COL13A1: variants seen among roughly 807,000 people sequenced by gnomAD.
COL13A1 encodes collagen alpha-1(XIII) chain.
COL13A1 carries 89 observed loss-of-function variants against 130.9 expected under a neutral mutation model. The ratio of observed to expected loss-of-function variants is 0.68; its 90% CI spans 0.57 to 0.81. The LOEUF is 0.81. COL13A1 is among the 30% of genes least tolerant of loss of function. The probability of loss-of-function intolerance (pLI) is 0.00; values close to 1 mark genes in which losing one functional copy is unlikely to be tolerated. For missense variants in COL13A1, 879 were observed against 934.6 expected (o/e 0.94, Z 0.78); for synonymous variants, 402 against 341.6 (o/e 1.18, Z -1.95).
At chr10:69,820,480 A>T (rs1228640920) in intron 1 of COL13A1, among the ~76,000 whole-genome samples, 2 of 152,078 alleles carry the variant, frequency 1.3e-5, no homozygotes, top group African/African-American at 4.8e-5. Flanking sequence ...GTGGGGAGGG[A>T]TGTGGAGGCA....
At position 69,958,599 on chromosome 10, in the gene COL13A1, A is replaced by G. The variant is rs1430538239; in HGVS notation, c.2185-100A>G. ...CACAGTTCTCCTGTCCAGAACTCCC[A>G]TCCAACCCAGGACAAGATTTACCTC... On this transcript the variant is annotated intron_variant, in intron 40 of 40. Coordinates refer to ENST00000645393, the MANE Select transcript of COL13A1 (RefSeq NM_001368882.1). The G allele has an allele frequency of 2.5e-6, 4 of 1,591,376 alleles. No individual in the cohort carries two copies. The African/African-American group carries it at 5.4e-5, about 21-fold the overall frequency.
At chr10:69,956,420 C>CT (rs1470775912) in intron 39 of COL13A1, 1 of 152,900 alleles carries the variant, frequency 6.5e-6, no homozygotes, top group East Asian at 1.9e-4. Context: ...CCCTTGTCTT[C>CT]TTGCCAAAGG....
intron 2 of COL13A1, among the ~76,000 whole-genome samples, chr10:69,850,039 A>G (rs901144493): frequency 6.6e-6 from 1 of 152,152 alleles, no homozygotes; most frequent in African/African-American, 2.4e-5. Flanking sequence ...TGACGGTGAC[A>G]GACATTAGCT....
chr10:69,859,362 A>G (rs1000319150), intron 2 of COL13A1, among the ~76,000 whole-genome samples: 3 of 152,208 alleles, frequency 2.0e-5, no homozygotes, highest in African/African-American at 7.2e-5. Context: ...TCAAAGCAAG[A>G]CCTATGAAGC....
chr10:69,815,450 A>G (rs190723962), intron 1 of COL13A1, among the ~76,000 whole-genome samples: 2 of 152,194 alleles, frequency 1.3e-5, no homozygotes, highest in Non-Finnish European at 2.9e-5. Flanking sequence ...GGCTGCCAGC[A>G]GGGGCAAAAC....
intron 17 of COL13A1, among the ~76,000 whole-genome samples, chr10:69,914,776 G>A (rs1175940005): frequency 1.3e-5 from 2 of 152,244 alleles, no homozygotes; most frequent in Admixed American, 6.5e-5. Context: ...TACTGAGAGG[G>A]CTTGGAGACC....
At chr10:69,908,919 G>A (rs12763830) in intron 17 of COL13A1, among the ~76,000 whole-genome samples, 17,268 of 151,520 alleles carry the variant, frequency 0.11, 1,028 homozygotes, top group Middle Eastern at 0.17. Flanking sequence ...CCAGAAGAGG[G>A]AGCTTCCTAA....
intron 32 of COL13A1, among the ~76,000 whole-genome samples, chr10:69,935,655 C>G (rs1441721339): frequency 6.6e-6 from 1 of 152,180 alleles, no homozygotes; most frequent in East Asian, 1.9e-4. Context: ...AAGCTCTGCC[C>G]AACATTTACC....
chr10:69,827,295 C>T (rs1847728622), intron 2 of COL13A1, among the ~76,000 whole-genome samples: 2 of 152,174 alleles, frequency 1.3e-5, no homozygotes, highest in Non-Finnish European at 2.9e-5. Context: ...CTCCCTCTGT[C>T]CAGTAGGAGG....
chr10:69,875,582 C>A (rs868150155), intron 5 of COL13A1, among the ~76,000 whole-genome samples: 1 of 152,136 alleles, frequency 6.6e-6, no homozygotes, highest in African/African-American at 2.4e-5. Context: ...TTCCCAGGGG[C>A]CTTCTCTGTA....
At chr10:69,875,273 T>A in intron 5 of COL13A1, 110 bp downstream of exon 5, 1 of 1,338,458 alleles carries the variant, frequency 7.5e-7, no homozygotes, top group South Asian at 1.2e-5. Context: ...AAGGAGGGGG[T>A]CAGCACTTTC....
intron 24 of COL13A1, among the ~76,000 whole-genome samples, chr10:69,924,303 A>G (rs2065065010): frequency 6.6e-6 from 1 of 152,010 alleles, no homozygotes; most frequent in Non-Finnish European, 1.5e-5. Flanking sequence ...TTTACTTTCT[A>G]TCTTGATTTT....
intron 32 of COL13A1, among the ~76,000 whole-genome samples, chr10:69,935,944 G>A (rs564929367): frequency 1.3e-5 from 2 of 151,474 alleles, no homozygotes; most frequent in East Asian, 2.0e-4. Flanking sequence ...CCCAGAGATC[G>A]AGGCTGCAGT....
At chr10:69,853,315 G>C (rs959725116) in intron 2 of COL13A1, among the ~76,000 whole-genome samples, 8 of 151,748 alleles carry the variant, frequency 5.3e-5, no homozygotes, top group African/African-American at 1.9e-4. Context: ...AGGTGTGAGA[G>C]AGCTTCGCAC....
chr10:69,890,112 C>A (rs2061025079), intron 10 of COL13A1, among the ~76,000 whole-genome samples: 1 of 152,112 alleles, frequency 6.6e-6, no homozygotes, highest in Non-Finnish European at 1.5e-5. Context: ...GCCTCAGGCC[C>A]CAAAAAGGTG....
intron 2 of COL13A1, among the ~76,000 whole-genome samples, chr10:69,831,665 G>A (rs973137343): frequency 6.6e-6 from 1 of 152,174 alleles, no homozygotes; most frequent in Non-Finnish European, 1.5e-5. Flanking sequence ...TTGCTTTTAT[G>A]CCTCTGACTC....
rs758280147 is a variant in COL13A1, at chr10:69,813,109, T to C, written c.295-9260T>C. ...GTTCCCAACATTAACCCCTAGAACA[T>C]TGTAGATAGTCAATACCCATTTGTG... is the stretch of plus-strand genomic sequence containing the variant. On this transcript the variant is annotated intron_variant, in intron 1 of 40. Coordinates refer to ENST00000645393, the MANE Select transcript of COL13A1 (RefSeq NM_001368882.1). Among the ~76,000 whole-genome samples, 102 of 152,166 alleles carry C rather than the reference T, an allele frequency of 6.7e-4. 1 individual carries two copies. Among genetic ancestry groups the C allele is most frequent in the Admixed American group, 3.3e-3 (50 of 15,278 alleles).
intron 4 of COL13A1, 77 bp from the exon 5 acceptor site, chr10:69,875,051 C>T: frequency 1.9e-6 from 3 of 1,589,578 alleles, no homozygotes; most frequent in Non-Finnish European, 2.6e-6. Context: ...ATCAGGTGCA[C>T]AGTTTGCCTA....
At chr10:69,813,994 T>C (rs1488188878) in intron 1 of COL13A1, among the ~76,000 whole-genome samples, 2 of 152,160 alleles carry the variant, frequency 1.3e-5, no homozygotes, top group African/African-American at 4.8e-5. Flanking sequence ...TAAAAGTAAG[T>C]AATTCGGTTG....
Sources: gnomAD v4.1 joint callset for allele counts (sites outside exome capture counted in the v4.1 genomes callset) on GRCh38, gnomAD v4.1.1 for gene constraint, MANE v1.5 for transcripts, NCBI Gene and HGNC (gene_info 2026-07-23, HGNC 2026-07-21) for gene names.